ZFPM2: variants seen among roughly 807,000 people sequenced by gnomAD.
The protein encoded by ZFPM2 is zinc finger protein, FOG family member 2.
Under a neutral mutation model 98.6 loss-of-function variants are expected in ZFPM2, and 20 were observed. That is an observed-to-expected ratio of 0.20 (90% CI 0.14 to 0.29). The LOEUF is 0.29. ZFPM2 is among the 10% of genes least tolerant of loss of function. The pLI is 1.00. For missense variants in ZFPM2, 1,310 were observed against 1,388.6 expected (o/e 0.94, Z 0.90); for synonymous variants, 518 against 502.7 (o/e 1.03, Z -0.41).
chr8:105,765,536 C>T (rs1345669239), intron 5 of ZFPM2, among the ~76,000 whole-genome samples: 1 of 151,746 alleles, frequency 6.6e-6, no homozygotes, highest in African/African-American at 2.4e-5. Flanking sequence ...TCTAATGAAG[C>T]TTGTATGAAT....
In ZFPM2 at chr8:105,760,693, G is replaced by A. The variant is rs534131471; in HGVS notation, c.533-28025G>A. On this transcript the variant is annotated intron_variant, in intron 5 of 7. Coordinates refer to ENST00000407775, the MANE Select transcript of ZFPM2 (RefSeq NM_012082.4). ...ATCTTTAGGGATAGAATTATAAGAA[G>A]ATATATTTGAAAAAGGAATAAGCCC... Among the ~76,000 whole-genome samples the A allele has an allele frequency of 1.4e-4, 21 of 152,070 alleles. No homozygotes were observed. In the South Asian group the frequency reaches 4.2e-3, roughly 30 times the overall value.
chr8:105,756,726 A>G (rs1812606997), intron 5 of ZFPM2, among the ~76,000 whole-genome samples: 1 of 150,872 alleles, frequency 6.6e-6, no homozygotes, highest in Non-Finnish European at 1.5e-5. Flanking sequence ...AGCAAAGCAG[A>G]ACCACTCAAA....
intron 3 of ZFPM2, among the ~76,000 whole-genome samples, chr8:105,500,096 C>T (rs149612071): frequency 6.6e-6 from 1 of 152,224 alleles, no homozygotes; most frequent in African/African-American, 2.4e-5. Context: ...TTATAATTTT[C>T]ATAAGCTGTT....
chr8:105,373,879 C>A (rs887543537), intron 1 of ZFPM2, among the ~76,000 whole-genome samples: 7 of 152,182 alleles, frequency 4.6e-5, no homozygotes, highest in African/African-American at 1.7e-4. Flanking sequence ...ATTTTCTTTA[C>A]CTCTGTCTTC....
chr8:105,426,366 T>C (rs914635600), intron 2 of ZFPM2, among the ~76,000 whole-genome samples: 1 of 152,162 alleles, frequency 6.6e-6, no homozygotes, highest in Non-Finnish European at 1.5e-5. Flanking sequence ...CCTGAATCTT[T>C]GACTCCTTGT....
chr8:105,703,915 T>G (rs1358980201), intron 5 of ZFPM2, among the ~76,000 whole-genome samples: 12 of 152,194 alleles, frequency 7.9e-5, no homozygotes, highest in Non-Finnish European at 1.0e-4. Flanking sequence ...AGAGGAATGC[T>G]GTTACCTTTT....
At chr8:105,375,769 G>A (rs115289923) in intron 1 of ZFPM2, among the ~76,000 whole-genome samples, 1,692 of 152,222 alleles carry the variant, frequency 0.011, 28 homozygotes, top group African/African-American at 0.039. Context: ...AATCATAGCT[G>A]AGATAAACTT....
At chr8:105,787,884 C>T (rs1297713197) in intron 5 of ZFPM2, among the ~76,000 whole-genome samples, 1 of 152,212 alleles carries the variant, frequency 6.6e-6, no homozygotes, top group Non-Finnish European at 1.5e-5. Context: ...CATTCGCTAT[C>T]ACATTCCAAT....
At chr8:105,558,700 G>A (rs1815056106) in intron 3 of ZFPM2, among the ~76,000 whole-genome samples, 1 of 152,110 alleles carries the variant, frequency 6.6e-6, no homozygotes, top group Admixed American at 6.5e-5. Flanking sequence ...AAGAGAGGAT[G>A]AATTACTTTT....
intron 4 of ZFPM2, among the ~76,000 whole-genome samples, chr8:105,598,166 T>A (rs1038780911): frequency 9.3e-5 from 14 of 150,936 alleles, no homozygotes; most frequent in Non-Finnish European, 2.1e-4. Flanking sequence ...GTGTTCTGAC[T>A]AATTAATTCC....
intron 2 of ZFPM2, among the ~76,000 whole-genome samples, chr8:105,440,923 G>A (rs1338359593): frequency 3.3e-5 from 5 of 152,020 alleles, no homozygotes; most frequent in African/African-American, 9.7e-5. Flanking sequence ...AGGCTGAGGC[G>A]GGTGGATCAC....
At chr8:105,386,034 GTTA>G (rs1810981948) in intron 1 of ZFPM2, among the ~76,000 whole-genome samples, 1 of 152,140 alleles carries the variant, frequency 6.6e-6, no homozygotes, top group Admixed American at 6.6e-5. Flanking sequence ...CATTCATGTA[GTTA>G]TTGTGAATAT....
chr8:105,429,678 T>A (rs1444051713), intron 2 of ZFPM2, among the ~76,000 whole-genome samples: 1 of 145,366 alleles, frequency 6.9e-6, no homozygotes, highest in Non-Finnish European at 1.5e-5. Context: ...AAACAACAAT[T>A]CTACAAAAAT....
chr8:105,477,228 G>A (rs1813029521), intron 3 of ZFPM2, among the ~76,000 whole-genome samples: 1 of 142,808 alleles, frequency 7.0e-6, no homozygotes, highest in African/African-American at 2.6e-5. Flanking sequence ...ATTTCTTTCT[G>A]CTAGCAATCT....
chr8:105,625,971 G>GAAA (rs529659546), intron 4 of ZFPM2, among the ~76,000 whole-genome samples: 1 of 138,558 alleles, frequency 7.2e-6, no homozygotes, highest in Non-Finnish European at 1.6e-5. Context: ...CTATTTTCTG[G>GAAA]AAAAAAAAAA....
chr8:105,518,664 G>A (rs1275773227), intron 3 of ZFPM2, among the ~76,000 whole-genome samples: 4 of 152,200 alleles, frequency 2.6e-5, no homozygotes, highest in Non-Finnish European at 5.9e-5. Context: ...CAAGCTCTTT[G>A]AAATGTAATT....
At chr8:105,556,268 A>G (rs1281754942) in intron 3 of ZFPM2, among the ~76,000 whole-genome samples, 5 of 152,136 alleles carry the variant, frequency 3.3e-5, no homozygotes, top group Non-Finnish European at 7.3e-5. Flanking sequence ...TCAGGATATG[A>G]GGAGTGATTT....
At chr8:105,799,288 C>G (rs1275460384) in intron 7 of ZFPM2, among the ~76,000 whole-genome samples, 2 of 152,156 alleles carry the variant, frequency 1.3e-5, no homozygotes, top group Non-Finnish European at 2.9e-5. Flanking sequence ...TCTTTGGAAA[C>G]TGATCATAGT....
intron 1 of ZFPM2, among the ~76,000 whole-genome samples, chr8:105,380,773 ACACATATATGTG>A: frequency 6.0e-5 from 2 of 33,084 alleles, no homozygotes; most frequent in African/African-American, 2.4e-4. Context: ...TATAATATAT[ACACATATATGTG>A]TATATATATT....
Sources: gnomAD v4.1 joint callset for allele counts (sites outside exome capture counted in the v4.1 genomes callset) on GRCh38, gnomAD v4.1.1 for gene constraint, MANE v1.5 for transcripts, NCBI Gene and HGNC (gene_info 2026-07-23, HGNC 2026-07-21) for gene names.